The following SRBD1 variants were observed in gnomAD, a reference collection of about 807,000 sequenced individuals.
The protein encoded by SRBD1 is S1 RNA-binding domain-containing protein 1.
In SRBD1, 88 loss-of-function variants were observed where a neutral mutation model predicts 115.3. The ratio of observed to expected loss-of-function variants is 0.76; its 90% confidence interval spans 0.64 to 0.91. The LOEUF is 0.91. Ranked by LOEUF, SRBD1 falls within the 40% of genes least tolerant of loss-of-function variation. SRBD1 has a pLI of 0.00. For synonymous variants in SRBD1, 509 were observed against 407.7 expected, an observed-to-expected ratio of 1.25 and a Z score of -2.99; for missense variants, 1,385 against 1,177.4, an observed-to-expected ratio of 1.18 and a Z score of -2.58.
intron 14 of SRBD1, among the ~76,000 whole-genome samples, chr2:45,535,926 T>C (rs1328456494): frequency 6.6e-6 from 1 of 152,056 alleles, no homozygotes; most frequent in Non-Finnish European, 1.5e-5. Context: ...AATTTTGGTC[T>C]TCCAGAACTA....
chr2:45,537,250 T>C lies in SRBD1; in HGVS notation c.1874+9482A>G, dbSNP rs535057676. Among the ~76,000 whole-genome samples, 11 of 152,350 alleles carry C rather than the reference T, an allele frequency of 7.2e-5. No individual in the cohort carries two copies. In the South Asian group the frequency reaches 1.9e-3, roughly 26 times the overall value. On this transcript the variant is annotated intron_variant, in intron 14 of 20. Transcript: ENST00000263736. Reference sequence around the variant, plus strand: ...GAGTCTTCTTAAAATGTGTCTCATATACCAAGAATATCGGTTATACCTATA... The same window carrying C: ...GAGTCTTCTTAAAATGTGTCTCATACACCAAGAATATCGGTTATACCTATA...
intron 7 of SRBD1, among the ~76,000 whole-genome samples, chr2:45,576,829 A>G (rs556049985): frequency 3.3e-4 from 50 of 152,224 alleles, no homozygotes; most frequent in Non-Finnish European, 5.7e-4. Flanking sequence ...CATTAATGGA[A>G]GCAGAGGACA....
At chr2:45,609,576 C>G (rs765673127) in intron 1 of SRBD1, among the ~76,000 whole-genome samples, 7 of 152,196 alleles carry the variant, frequency 4.6e-5, no homozygotes, top group Admixed American at 1.3e-4. Flanking sequence ...AAGGCCCTGT[C>G]GGACTGAGCC....
intron 9 of SRBD1, among the ~76,000 whole-genome samples, chr2:45,564,207 C>A (rs1191043212): frequency 2.0e-5 from 3 of 152,134 alleles, no homozygotes; most frequent in Non-Finnish European, 4.4e-5. Flanking sequence ...ATGATCATCT[C>A]AATAGATGTG....
At chr2:45,595,910 C>T (rs1572821856) in intron 4 of SRBD1, among the ~76,000 whole-genome samples, 1 of 152,114 alleles carries the variant, frequency 6.6e-6, no homozygotes, top group African/African-American at 2.4e-5. Flanking sequence ...GTGGCAGCGT[C>T]CCAAAAACCA....
At chr2:45,531,457 A>G (rs1411375337) in intron 14 of SRBD1, among the ~76,000 whole-genome samples, 3 of 151,844 alleles carry the variant, frequency 2.0e-5, no homozygotes, top group South Asian at 2.1e-4. Flanking sequence ...AACTGAAAAT[A>G]AAGTATATAT....
chr2:45,475,167 A>G (rs1669768637), intron 16 of SRBD1, among the ~76,000 whole-genome samples: 1 of 152,212 alleles, frequency 6.6e-6, no homozygotes, highest in South Asian at 2.1e-4. Context: ...CTACTCAAGC[A>G]TCATCCACAT....
At chr2:45,556,918 TTGC>T (rs553666915) in intron 10 of SRBD1, among the ~76,000 whole-genome samples, 2 of 152,058 alleles carry the variant, frequency 1.3e-5, no homozygotes, top group South Asian at 2.1e-4. Flanking sequence ...ATGTAAGTTT[TTGC>T]TGCTGCTGCT....
intron 8 of SRBD1, among the ~76,000 whole-genome samples, chr2:45,574,324 T>G (rs2104153856): frequency 6.6e-6 from 1 of 152,310 alleles, no homozygotes; most frequent in East Asian, 1.9e-4. Flanking sequence ...GACATGAATC[T>G]CTCTTCGTAT....
chr2:45,408,679 C>T (rs1572603564), intron 19 of SRBD1, among the ~76,000 whole-genome samples: 1 of 152,154 alleles, frequency 6.6e-6, no homozygotes, highest in Non-Finnish European at 1.5e-5. Flanking sequence ...TCAAGAGCCA[C>T]AAAGACTTTT....
rs1673297150 is a variant in SRBD1, at chr2:45,579,947, C to T, written c.1000G>A (p.Gly334Arg). Residue 334 changes from glycine (G) to arginine (R), a missense_variant, in exon 7 of 21, where the codon GGA becomes AGA. Transcript: ENST00000263736. ...AQRARQLGLE[G>R]AARALLEKPG... ...TTCTCAAGCAGTGCCCTGGCTGCTC[C>T]TTCTAAGCCCAACTGTCTTGCTCTC... The T allele has an allele frequency of 6.2e-7, 1 of 1,609,614 alleles. No homozygotes were observed. Among genetic ancestry groups the T allele is most frequent in the African/African-American group, 1.3e-5 (1 of 74,820 alleles).
chr2:45,464,351 C>T (rs1669415291), intron 16 of SRBD1, among the ~76,000 whole-genome samples: 1 of 152,178 alleles, frequency 6.6e-6, no homozygotes, highest in Admixed American at 6.5e-5. Flanking sequence ...AGATAGCTCT[C>T]TCCTATCCTA....
At chr2:45,524,300 TG>T (rs1671375606) in intron 14 of SRBD1, among the ~76,000 whole-genome samples, 1 of 152,030 alleles carries the variant, frequency 6.6e-6, no homozygotes, top group Non-Finnish European at 1.5e-5. Context: ...CTTCTAGCTA[TG>T]GTAATTAGGC....
chr2:45,439,692 T>C (rs6753868), intron 16 of SRBD1, among the ~76,000 whole-genome samples: 6,068 of 151,954 alleles, frequency 0.04, 390 homozygotes, highest in African/African-American at 0.13. Flanking sequence ...TTAATACTTA[T>C]ATTAAATGTT....
At chr2:45,437,579 T>C (rs987378586) in intron 16 of SRBD1, among the ~76,000 whole-genome samples, 15 of 152,126 alleles carry the variant, frequency 9.9e-5, no homozygotes, top group Admixed American at 8.5e-4. Flanking sequence ...AAATGAATCA[T>C]AAGACAGACA....
At chr2:45,462,788 T>G (rs1335571593) in intron 16 of SRBD1, among the ~76,000 whole-genome samples, 1 of 151,912 alleles carries the variant, frequency 6.6e-6, no homozygotes, top group African/African-American at 2.4e-5. Flanking sequence ...ATCGCGCCAC[T>G]GCACTCCAGC....
intron 12 of SRBD1, among the ~76,000 whole-genome samples, chr2:45,550,378 C>A (rs965563118): frequency 1.3e-5 from 2 of 151,522 alleles, no homozygotes; most frequent in Non-Finnish European, 1.5e-5. Context: ...CATAAGAAAA[C>A]TGAGAAACAC....
chr2:45,547,629 G>A lies in SRBD1; in HGVS notation c.1676-17C>T. 1 of 1,585,170 alleles carries A rather than the reference G, an allele frequency of 6.3e-7. No homozygotes were observed. The highest frequency in any genetic ancestry group is 2.2e-5 in the East Asian group (1 of 44,494). The stretch of plus-strand genomic sequence containing the variant: ...GTATCTGACCTTTAAAAAATGAAAA[G>A]AATAAGCCATTTTATAAGAAATTAC... On this transcript the variant is annotated splice_polypyrimidine_tract_variant and intron_variant, in intron 12 of 20. Coordinates refer to ENST00000263736, the MANE Select transcript of SRBD1 (RefSeq NM_018079.5).
chr2:45,414,528 A>AGT (rs566523088), intron 18 of SRBD1, among the ~76,000 whole-genome samples: 36 of 146,272 alleles, frequency 2.5e-4, no homozygotes, highest in African/African-American at 6.5e-4. Flanking sequence ...GTGTGTATAT[A>AGT]GTGTGTGTAC....
Sources: allele counts gnomAD v4.1 joint callset (sites outside exome capture counted in the v4.1 genomes callset), GRCh38; gene constraint gnomAD v4.1.1; transcripts MANE v1.5; gene names NCBI Gene and HGNC (gene_info 2026-07-23, HGNC 2026-07-21).